SLC25A12: variants seen among roughly 807,000 people sequenced by gnomAD.
SLC25A12 encodes electrogenic aspartate/glutamate antiporter SLC25A12, mitochondrial.
SLC25A12 carries 32 observed loss-of-function variants against 83.3 expected under a neutral mutation model. The observed-to-expected ratio is 0.38, with a 90% confidence interval of 0.29 to 0.52. The LOEUF is 0.52. SLC25A12 is among the 20% of genes least tolerant of loss of function. The pLI, the probability that SLC25A12 is intolerant of heterozygous loss-of-function variation, is 0.84. For synonymous variants in SLC25A12, 267 were observed against 291.1 expected, an observed-to-expected ratio of 0.92 and a Z score of 0.84; for missense variants, 611 against 835.6, an observed-to-expected ratio of 0.73 and a Z score of 3.31.
chr2:171,828,278 G>A (rs1684354004), intron 8 of SLC25A12, among the ~76,000 whole-genome samples: 1 of 152,226 alleles, frequency 6.6e-6, no homozygotes, highest in Non-Finnish European at 1.5e-5. Context: ...ATCTTTCCTA[G>A]TTAAAGTCCC....
At chr2:171,845,418 G>T (rs1316134530) in intron 4 of SLC25A12, among the ~76,000 whole-genome samples, 3 of 151,882 alleles carry the variant, frequency 2.0e-5, no homozygotes, top group East Asian at 3.8e-4. Context: ...TAAGAAAGCA[G>T]GAAGCCTGTT....
chr2:171,811,459 C>T (rs947344814), intron 11 of SLC25A12, among the ~76,000 whole-genome samples: 3 of 152,152 alleles, frequency 2.0e-5, no homozygotes, highest in Non-Finnish European at 4.4e-5. Flanking sequence ...TTTTACAACT[C>T]GCCTCAATAA....
At chr2:171,848,772 C>G (rs950288659) in intron 4 of SLC25A12, among the ~76,000 whole-genome samples, 1 of 152,234 alleles carries the variant, frequency 6.6e-6, no homozygotes, top group Admixed American at 6.5e-5. Flanking sequence ...TCCTGTTTCT[C>G]TGAGAGAAAG....
At chr2:171,794,133 G>C (rs1683549058) in intron 13 of SLC25A12, among the ~76,000 whole-genome samples, 1 of 152,192 alleles carries the variant, frequency 6.6e-6, no homozygotes. Context: ...AAGAAAAAGA[G>C]ATAGTAAAAG....
intron 14 of SLC25A12, among the ~76,000 whole-genome samples, chr2:171,792,173 G>T (rs912473684): frequency 1.3e-5 from 2 of 151,972 alleles, no homozygotes; most frequent in Non-Finnish European, 2.9e-5. Flanking sequence ...CAATGACTGA[G>T]GTCTCAAAGA....
At chr2:171,815,965 T>C (rs138071947) in intron 9 of SLC25A12, among the ~76,000 whole-genome samples, 2 of 151,954 alleles carry the variant, frequency 1.3e-5, no homozygotes, top group Admixed American at 6.6e-5. Context: ...ACACATAAGA[T>C]GTATTTTAAA....
At chr2:171,864,619 G>T (rs1047890014) in intron 3 of SLC25A12, among the ~76,000 whole-genome samples, 1 of 152,000 alleles carries the variant, frequency 6.6e-6, no homozygotes, top group African/African-American at 2.4e-5. Flanking sequence ...GCACACACAC[G>T]CCCCTTAATG....
Position 171,868,802 on chromosome 2 carries a change from C to T in SLC25A12, c.88G>A (p.Gly30Arg), listed in dbSNP as rs1482448254. 6.2e-7 allele frequency: 1 copy of T among 1,612,020 alleles called. No individual in the cohort carries two copies. Among genetic ancestry groups the T allele is most frequent in the African/African-American group, 1.3e-5 (1 of 74,990 alleles). Residue 30 changes from glycine (G) to arginine (R), a missense_variant, in exon 3 of 18, where the codon GGA becomes AGA. By Grantham distance (125) the Gly-to-Arg change is moderately radical. This residue lies in a region of SLC25A12 where 540 missense variants were observed against 777.5 expected (regional missense o/e 0.69). Coordinates refer to ENST00000422440, the MANE Select transcript of SLC25A12 (RefSeq NM_003705.5). ...FLQYASTEVD[G>R]ERYMTPEDFV... ...TCTTCTGGGGTCATATAACGCTCTC[C>T]ATCAACCTCAGTACTGGCATACTAA...
At chr2:171,863,317 A>C (rs1685207320) in intron 3 of SLC25A12, among the ~76,000 whole-genome samples, 1 of 152,152 alleles carries the variant, frequency 6.6e-6, no homozygotes, top group South Asian at 2.1e-4. Flanking sequence ...CAAGGTCAGG[A>C]GTTCGAGACA....
intron 4 of SLC25A12, among the ~76,000 whole-genome samples, chr2:171,845,148 A>G (rs562936492): frequency 1.1e-3 from 165 of 152,270 alleles, no homozygotes; most frequent in African/African-American, 3.9e-3. Flanking sequence ...TTTTAAGATA[A>G]GTTAAATTAG....
intron 9 of SLC25A12, among the ~76,000 whole-genome samples, chr2:171,824,949 A>C (rs1195516781): frequency 6.6e-6 from 1 of 151,890 alleles, no homozygotes; most frequent in Non-Finnish European, 1.5e-5. Context: ...GACTACAGGC[A>C]CACGCCATCA....
At position 171,785,132 on chromosome 2, in the gene SLC25A12, G is replaced by C; in HGVS notation, c.*142C>G. 1 of 739,146 alleles carries C rather than the reference G, an allele frequency of 1.4e-6. No homozygotes were observed. The highest frequency in any genetic ancestry group is 1.5e-5 in the South Asian group (1 of 66,008). The allele number at this position is 739,146 out of a possible 1,614,324, so 45.8% of individuals were successfully genotyped here. A position where few individuals can be genotyped will look rare whatever the true frequency, so the allele number is the denominator to read the frequency against. ...GGGCAAATGATTATTTTATAAACAA[G>C]TATATGTATATGTCATACAGAAAGA... On this transcript the variant is annotated 3_prime_UTR_variant, in exon 18 of 18. Transcript: ENST00000422440.
At chr2:171,803,067 A>G (rs532822815) in intron 13 of SLC25A12, among the ~76,000 whole-genome samples, 1 of 152,228 alleles carries the variant, frequency 6.6e-6, no homozygotes, top group South Asian at 2.1e-4. Context: ...CCAAAACATT[A>G]GCAATCAAAA....
rs774845835 is a variant in SLC25A12, at chr2:171,868,746, A to G, written c.144T>C (p.Asn48=). ...CGATCTTTGGGTTACTATTTGGATC[A>G]TTATACAGTCCAAGATAGCGCTGAA... ...DFVQRYLGLY[N]DPNSNPKIVQ... The change falls in exon 3 of 18, where the codon AAT becomes AAC. Residue 48 remains asparagine, a synonymous_variant. Transcript: ENST00000422440. 68 of 1,613,862 alleles carry G rather than the reference A, an allele frequency of 4.2e-5. 1 individual carries two copies. Among genetic ancestry groups the G allele is most frequent in the South Asian group, 3.5e-4 (32 of 91,088 alleles).
At position 171,783,618 on chromosome 2, in the gene SLC25A12, A is replaced by G. The variant is rs1049221329; in HGVS notation, c.*1656T>C. On this transcript the variant is annotated 3_prime_UTR_variant, in exon 18 of 18. Coordinates refer to ENST00000422440, the MANE Select transcript of SLC25A12 (RefSeq NM_003705.5). ...TTACCTCTGGGCCAGGAAGTGGTGG[A>G]GGTAGAAGGAGGGTAAGCGGGACAC... Among the ~76,000 whole-genome samples the G allele has an allele frequency of 6.6e-6, 1 of 152,118 alleles. No individual in the cohort carries two copies. The highest frequency in any genetic ancestry group is 1.5e-5 in the Non-Finnish European group (1 of 68,030).
At chr2:171,828,789 T>C (rs932795776) in intron 8 of SLC25A12, among the ~76,000 whole-genome samples, 1 of 152,212 alleles carries the variant, frequency 6.6e-6, no homozygotes, top group Admixed American at 6.5e-5. Context: ...CATGGCCTTA[T>C]CAAATTATAT....
Position 171,868,682 on chromosome 2 carries a change from C to A in SLC25A12, c.208G>T (p.Gly70Trp). 1 of 1,613,590 alleles carries A rather than the reference C, an allele frequency of 6.2e-7. No individual in the cohort carries two copies. Among genetic ancestry groups the A allele is most frequent in the Non-Finnish European group, 8.5e-7 (1 of 1,179,566 alleles). Residue 70 changes from glycine to tryptophan, a missense_variant and splice_region_variant, in exon 3 of 18, where the codon GGG (glycine) becomes TGG (tryptophan). Gly to Trp is a radical substitution (Grantham distance 184, BLOSUM62 -2). Coordinates refer to ENST00000422440, the MANE Select transcript of SLC25A12 (RefSeq NM_003705.5). ...CAGAAAATGCATGAAGATACTTACC[C>A]ATCCTTGGTTTGATCAGCTACTCCT... ...LAGVADQTKD[G>W]LISYQEFLAF... is the part of the protein sequence containing the mutation.
chr2:171,881,654 T>C (rs769384378), intron 2 of SLC25A12, among the ~76,000 whole-genome samples: 1 of 152,178 alleles, frequency 6.6e-6, no homozygotes, highest in Non-Finnish European at 1.5e-5. Context: ...TCTATTTTTT[T>C]AAAAAAGTAT....
At chr2:171,882,739 A>G (rs1183356865) in intron 2 of SLC25A12, among the ~76,000 whole-genome samples, 3 of 152,230 alleles carry the variant, frequency 2.0e-5, no homozygotes, top group African/African-American at 7.2e-5. Flanking sequence ...TCAGTGGAAG[A>G]TGCTTTCAGA....
Sources: gnomAD v4.1 joint callset for allele counts (sites outside exome capture counted in the v4.1 genomes callset) on GRCh38, gnomAD v4.1.1 for gene constraint, gnomAD v4.1.1 regional missense constraint, MANE v1.5 for transcripts, NCBI Gene and HGNC (gene_info 2026-07-23, HGNC 2026-07-21) for gene names.